SLC12A7: variants seen among roughly 807,000 people sequenced by gnomAD.
SLC12A7 encodes K-Cl cotransporter 4.
Under a neutral mutation model 120.6 loss-of-function variants are expected in SLC12A7, and 100 were observed. That is an observed-to-expected ratio of 0.83 (90% CI 0.71 to 0.98). The LOEUF is 0.98. SLC12A7 is among the 50% of genes least tolerant of loss of function. SLC12A7 has a pLI of 0.00. For missense variants in SLC12A7, 1,373 were observed against 1,548.1 expected (o/e 0.89, Z 1.90); for synonymous variants, 760 against 678.0 (o/e 1.12, Z -1.88).
At chr5:1,132,190 T>C in the SLC12A7 span, among the ~76,000 whole-genome samples, 2 of 152,162 alleles carry the variant, frequency 1.3e-5, no homozygotes, top group African/African-American at 4.8e-5. Flanking sequence ...TTCGAATGCA[T>C]TAGCATCTAA....
intron 1 of SLC12A7, among the ~76,000 whole-genome samples, chr5:1,102,235 G>A (rs1171405046): frequency 2.0e-5 from 3 of 152,170 alleles, no homozygotes; most frequent in African/African-American, 7.2e-5. Flanking sequence ...GGCAGTGAGA[G>A]TGTGTGTGTC....
the SLC12A7 span, among the ~76,000 whole-genome samples, chr5:1,136,761 ACAC>A: frequency 6.9e-6 from 1 of 145,296 alleles, no homozygotes; most frequent in African/African-American, 2.5e-5. Context: ...ACACGCAGGC[ACAC>A]GTGTGCTCAG....
the SLC12A7 span, among the ~76,000 whole-genome samples, chr5:1,144,114 A>T: frequency 2.0e-5 from 3 of 152,158 alleles, no homozygotes; most frequent in African/African-American, 7.2e-5. Flanking sequence ...CAGAGAGGGG[A>T]CCTGGACGCA....
chr5:1,060,557 G>A, intron 20 of SLC12A7, 106 bp from the exon 21 acceptor site: 2 of 834,104 alleles, frequency 2.4e-6, no homozygotes, highest in East Asian at 2.5e-5. Context: ...CGGTGGGAAA[G>A]GCCACGCGTC....
chr5:1,061,080 C>G (rs1174649568), intron 20 of SLC12A7, among the ~76,000 whole-genome samples: 6 of 98,108 alleles, frequency 6.1e-5, no homozygotes, highest in African/African-American at 1.5e-4. Context: ...GCACCTGCCG[C>G]ATCCGCCATG....
intron 22 of SLC12A7, chr5:1,057,068 C>A (rs978209950): frequency 2.3e-5 from 4 of 173,300 alleles, no homozygotes; most frequent in Middle Eastern, 5.1e-3. Flanking sequence ...TCAGGGCTGG[C>A]CCAGGTACCA....
At chr5:1,136,032 C>T in the SLC12A7 span, among the ~76,000 whole-genome samples, 2 of 152,150 alleles carry the variant, frequency 1.3e-5, no homozygotes, top group South Asian at 4.1e-4. Flanking sequence ...GACACGGATG[C>T]ACATTGCCCC....
At chr5:1,131,940 T>C in the SLC12A7 span, among the ~76,000 whole-genome samples, 1 of 152,222 alleles carries the variant, frequency 6.6e-6, no homozygotes, top group African/African-American at 2.4e-5. Flanking sequence ...TGAACCAGAG[T>C]GACTCCATCT....
At position 1,053,446 on chromosome 5, in the gene SLC12A7, C is replaced by T; in HGVS notation, c.3063G>A (p.Val1021=). Reference sequence around the variant, plus strand: ...TGTTGAGGACGACGCCATTGAGCTTCACAGCCGTGTGCATCCGCCTGACGT... The same window carrying T: ...TGTTGAGGACGACGCCATTGAGCTTTACAGCCGTGTGCATCCGCCTGACGT... ...QSNVRRMHTA[V]KLNGVVLNKS... The change falls in exon 23 of 24, where the codon GTG becomes GTA. Residue 1021 remains valine, a synonymous_variant. Transcript: ENST00000264930. 6.2e-7 allele frequency: 1 copy of T among 1,613,874 alleles called. No individual in the cohort carries two copies. The highest frequency in any genetic ancestry group is 8.5e-7 in the Non-Finnish European group (1 of 1,180,008).
At chr5:1,144,956 T>C in the SLC12A7 span, among the ~76,000 whole-genome samples, 2 of 152,242 alleles carry the variant, frequency 1.3e-5, no homozygotes, top group African/African-American at 4.8e-5. Flanking sequence ...TGAAGTTTAC[T>C]GCATCCGAGG....
chr5:1,117,678 C>T, the SLC12A7 span, among the ~76,000 whole-genome samples: 2 of 152,276 alleles, frequency 1.3e-5, no homozygotes, highest in Non-Finnish European at 1.5e-5. This position sits in a 1 kb window ranked among gnomAD's most constrained non-coding sequence, Gnocchi z 4.5. Flanking sequence ...GGAACAGACT[C>T]CGCACAAAAG....
the SLC12A7 span, among the ~76,000 whole-genome samples, chr5:1,129,578 C>T: frequency 2.6e-5 from 4 of 152,124 alleles, no homozygotes; most frequent in African/African-American, 9.7e-5. Flanking sequence ...AGGGCGGCTC[C>T]AGGAGCCCAG....
At chr5:1,063,792 ACCT>A (rs1376631575) in intron 20 of SLC12A7, 49 bp downstream of exon 20, 1 of 37,194 alleles carries the variant, frequency 2.7e-5, no homozygotes, top group Non-Finnish European at 4.9e-5. Context: ...GCCGCCCCCC[ACCT>A]CCTCCCCACC....
At chr5:1,101,612 C>T (rs995401063) in intron 1 of SLC12A7, among the ~76,000 whole-genome samples, 2 of 152,192 alleles carry the variant, frequency 1.3e-5, no homozygotes, top group African/African-American at 2.4e-5. Context: ...AGTTTTTTCT[C>T]GTCTTATTTT....
chr5:1,052,402 CAGG>C lies in SLC12A7; in HGVS notation c.3207_3209del (p.Leu1070del), dbSNP rs749277920. 5 of 1,612,944 alleles carry C rather than the reference CAGG, an allele frequency of 3.1e-6. No homozygotes were observed. The highest frequency in any genetic ancestry group is 4.2e-6 in the Non-Finnish European group (5 of 1,180,014). Reference sequence around the variant, plus strand: ...TCACCTCCCGGCCGCCACCCCTGACCAGGAGGACTCTGTTCAGCCCCTCGGTCA... The same window carrying C: ...TCACCTCCCGGCCGCCACCCCTGACCAGGACTCTGTTCAGCCCCTCGGTCA... On this transcript the variant is annotated inframe_deletion, in exon 24 of 24. Transcript: ENST00000264930.
At chr5:1,122,232 C>T in the SLC12A7 span, among the ~76,000 whole-genome samples, 1 of 152,208 alleles carries the variant, frequency 6.6e-6, no homozygotes, top group Non-Finnish European at 1.5e-5. Flanking sequence ...AAACGTGTCA[C>T]CCCAACCCTT....
chr5:1,092,427 C>T (rs1416393245), intron 3 of SLC12A7, among the ~76,000 whole-genome samples: 8 of 152,190 alleles, frequency 5.3e-5, no homozygotes, highest in South Asian at 2.1e-4. Flanking sequence ...GACCTGGGGG[C>T]GCCTGGCTCA....
intron 9 of SLC12A7, among the ~76,000 whole-genome samples, chr5:1,081,200 A>C (rs1417090886): frequency 6.6e-6 from 1 of 152,144 alleles, no homozygotes; most frequent in African/African-American, 2.4e-5. Context: ...GTGGTGGCTC[A>C]AGACGTCTGT....
In SLC12A7 at chr5:1,074,653, G is replaced by A. The variant is rs765617459; in HGVS notation, c.1986C>T (p.Gly662=). ...IEYRGAEKEW[G]DGIRGLSLNA... ...TCAGGGATAGGCCACGGATGCCATC[G>A]CCCCACTCCTTCTCGGCCCTGTGGG... The change falls in exon 16 of 24, where the codon GGC becomes GGT. Residue 662 remains glycine (G), a synonymous_variant. Coordinates refer to ENST00000264930, the MANE Select transcript of SLC12A7 (RefSeq NM_006598.3). 16 of 1,612,562 alleles carry A rather than the reference G, an allele frequency of 9.9e-6. No individual in the cohort carries two copies. Among genetic ancestry groups the A allele is most frequent in the Admixed American group, 5.0e-5 (3 of 59,982 alleles).
Sources: allele counts gnomAD v4.1 joint callset (sites outside exome capture counted in the v4.1 genomes callset), GRCh38; gene constraint gnomAD v4.1.1; non-coding constraint Gnocchi (gnomAD v3.1); transcripts MANE v1.5; gene names NCBI Gene and HGNC (gene_info 2026-07-23, HGNC 2026-07-21).